TYW1B: variants seen among roughly 807,000 people sequenced by gnomAD.
The protein encoded by TYW1B is tRNA-yW synthesizing protein 1 homolog B, also known as S-adenosyl-L-methionine-dependent tRNA 4-demethylwyosine synthase TYW1B.
Under a neutral mutation model 86.9 loss-of-function variants are expected in TYW1B, and 73 were observed. That is an observed-to-expected ratio of 0.84 (90% CI 0.70 to 1.02). The LOEUF is 1.02. Among genes scored for constraint, TYW1B ranks in the 50% least tolerant of loss-of-function variants. The pLI is 0.00. For synonymous variants in TYW1B, 248 were observed against 292.8 expected (o/e 0.85, Z 1.56); for missense variants, 637 against 827.4 (o/e 0.77, Z 2.82).
intron 2 of TYW1B, among the ~76,000 whole-genome samples, chr7:72,824,112 T>C (rs1170916846): frequency 6.6e-6 from 1 of 152,076 alleles, no homozygotes; most frequent in Admixed American, 6.6e-5. Flanking sequence ...ACTTAACAAC[T>C]GACCTTCGAC....
At chr7:72,582,227 A>G (rs1188630903) in intron 13 of TYW1B, among the ~76,000 whole-genome samples, 4 of 152,206 alleles carry the variant, frequency 2.6e-5, no homozygotes, top group African/African-American at 9.6e-5. Flanking sequence ...AGTGAAGGAC[A>G]TGAGTTTCCA....
At chr7:72,825,790 C>T (rs1554481333) in intron 2 of TYW1B, among the ~76,000 whole-genome samples, 1 of 152,146 alleles carries the variant, frequency 6.6e-6, no homozygotes, top group African/African-American at 2.4e-5. Flanking sequence ...CCATGGGCAT[C>T]GATAATGGAC....
intron 11 of TYW1B, among the ~76,000 whole-genome samples, chr7:72,660,894 T>C (rs1307653272): frequency 1.3e-5 from 2 of 151,814 alleles, no homozygotes. Context: ...CCCAACACTT[T>C]GGGAGGCTGA....
At position 72,771,819 on chromosome 7, in the gene TYW1B, T is replaced by C. The variant is rs549034760; in HGVS notation, c.964+5597A>G. Among the ~76,000 whole-genome samples, 71 of 151,688 alleles carry C rather than the reference T, an allele frequency of 4.7e-4. 1 individual carries two copies. The highest frequency in any genetic ancestry group is 7.2e-4 in the Non-Finnish European group (49 of 67,930). On this transcript the variant is annotated intron_variant, in intron 7 of 13. Coordinates refer to ENST00000620995, the MANE Select transcript of TYW1B (RefSeq NM_001145440.3). The stretch of plus-strand genomic sequence containing the variant: ...CAATTTAAAATCTATATGTATCTAA[T>C]AATATAGACTCAAAATACATAAAGA...
chr7:72,661,014 A>T (rs1185215104), intron 11 of TYW1B, among the ~76,000 whole-genome samples: 4 of 148,970 alleles, frequency 2.7e-5, no homozygotes, highest in African/African-American at 9.8e-5. Context: ...ACGCACCTTT[A>T]ATCCCAGCTA....
At chr7:72,766,152 C>T (rs1435511014) in intron 7 of TYW1B, among the ~76,000 whole-genome samples, 1 of 152,170 alleles carries the variant, frequency 6.6e-6, no homozygotes, top group Admixed American at 6.6e-5. Flanking sequence ...AAAGCTGAAA[C>T]CCATATACAC....
At chr7:72,772,988 C>T (rs1787893648) in intron 7 of TYW1B, among the ~76,000 whole-genome samples, 1 of 152,188 alleles carries the variant, frequency 6.6e-6, no homozygotes, top group African/African-American at 2.4e-5. Context: ...GAAGGTGGAA[C>T]TGAGTCCAAC....
At position 72,707,277 on chromosome 7, in the gene TYW1B, C is replaced by G. The variant is rs1225933220; in HGVS notation, c.1370+6344G>C. 2.6e-5 allele frequency among the ~76,000 whole-genome samples: 4 copies of G among 152,248 alleles called. No homozygotes were observed. The East Asian group carries it at 7.7e-4, about 29-fold the overall frequency. On this transcript the variant is annotated intron_variant, in intron 10 of 13. Transcript: ENST00000620995. ...TCGCTGCTCTTTGAAACCCTGCCACCCTGTGATAAAGTGCAGCATAGCTGC... is the reference window on the plus strand; with the variant it reads ...TCGCTGCTCTTTGAAACCCTGCCACGCTGTGATAAAGTGCAGCATAGCTGC...
intron 2 of TYW1B, among the ~76,000 whole-genome samples, chr7:72,816,640 A>C (rs1298731097): frequency 6.6e-6 from 1 of 152,174 alleles, no homozygotes; most frequent in Non-Finnish European, 1.5e-5. Context: ...TGAGAGGTTA[A>C]ACTCAGCACC....
intron 10 of TYW1B, among the ~76,000 whole-genome samples, chr7:72,703,041 T>TTG (rs1814525495): frequency 7.1e-6 from 1 of 141,666 alleles, no homozygotes; most frequent in Non-Finnish European, 1.5e-5. Flanking sequence ...TTTTTTTTTT[T>TTG]TGAGATGGAG....
chr7:72,682,460 T>C (rs1462585132), intron 11 of TYW1B, among the ~76,000 whole-genome samples: 1 of 152,172 alleles, frequency 6.6e-6, no homozygotes, highest in African/African-American at 2.4e-5. Context: ...AGAATTTTTA[T>C]ATCCTAAGGG....
intron 7 of TYW1B, among the ~76,000 whole-genome samples, chr7:72,761,609 GT>G (rs1226454025): frequency 4.7e-5 from 7 of 149,960 alleles, no homozygotes; most frequent in South Asian, 2.1e-4. Flanking sequence ...AAAAATTAAA[GT>G]TTTTTTTAAT....
chr7:72,664,087 A>C (rs555006109), intron 11 of TYW1B, among the ~76,000 whole-genome samples: 5 of 151,608 alleles, frequency 3.3e-5, no homozygotes, highest in African/African-American at 4.8e-5. Context: ...CCCTCAAAGC[A>C]CCCCCACAAA....
chr7:72,638,797 C>T (rs1176836049), intron 11 of TYW1B, among the ~76,000 whole-genome samples: 1 of 152,226 alleles, frequency 6.6e-6, no homozygotes, highest in Non-Finnish European at 1.5e-5. Context: ...TTGTGTGCCA[C>T]TTGATTGATG....
At chr7:72,659,633 G>A (rs1390148594) in intron 11 of TYW1B, among the ~76,000 whole-genome samples, 2 of 152,156 alleles carry the variant, frequency 1.3e-5, no homozygotes, top group African/African-American at 4.8e-5. Context: ...GAGGCAAGTT[G>A]AGGTCAAAAT....
intron 8 of TYW1B, among the ~76,000 whole-genome samples, chr7:72,734,223 G>A (rs542385545): frequency 6.0e-5 from 7 of 116,572 alleles, no homozygotes; most frequent in Admixed American, 1.1e-4. Flanking sequence ...ACATCATTGC[G>A]CTCCAGCGCA....
intron 10 of TYW1B, among the ~76,000 whole-genome samples, chr7:72,713,108 G>C (rs1302263220): frequency 6.7e-6 from 1 of 150,098 alleles, no homozygotes; most frequent in Admixed American, 6.7e-5. Context: ...AGACCAGTTT[G>C]GCCAACATGG....
At chr7:72,613,401 CTTTTTTTTTTT>C (rs71517349) in intron 13 of TYW1B, among the ~76,000 whole-genome samples, 2 of 80,966 alleles carry the variant, frequency 2.5e-5, no homozygotes, top group African/African-American at 5.3e-5. Flanking sequence ...TTTATATCTT[CTTTTTTTTTTT>C]TTTTTTTTTT....
intron 11 of TYW1B, among the ~76,000 whole-genome samples, chr7:72,682,442 TATA>T (rs1160775422): frequency 2.0e-5 from 3 of 151,982 alleles, no homozygotes; most frequent in African/African-American, 7.3e-5. Context: ...AACCAGAAAA[TATA>T]CATAAGAATT....
Sources: allele counts gnomAD v4.1 joint callset (sites outside exome capture counted in the v4.1 genomes callset), GRCh38; gene constraint gnomAD v4.1.1; transcripts MANE v1.5; gene names NCBI Gene and HGNC (gene_info 2026-07-23, HGNC 2026-07-21).